RTCA: variants seen among roughly 807,000 people sequenced by gnomAD.
RTCA encodes the protein RNA 3'-terminal phosphate cyclase.
Under a neutral mutation model 46.1 loss-of-function variants are expected in RTCA, and 37 were observed. The ratio of observed to expected loss-of-function variants is 0.80; its 90% confidence interval spans 0.62 to 1.06. RTCA has a LOEUF of 1.06. Ranked by LOEUF, RTCA falls within the 50% of genes least tolerant of loss-of-function variation. RTCA has a pLI of 0.00. For missense variants in RTCA, 435 were observed against 455.5 expected, an observed-to-expected ratio of 0.95 and a Z score of 0.41; for synonymous variants, 164 against 158.3, an observed-to-expected ratio of 1.04 and a Z score of -0.27.
At chr1:100,281,662 ACCTT>A (rs1666717333) in intron 8 of RTCA, among the ~76,000 whole-genome samples, 1 of 150,900 alleles carries the variant, frequency 6.6e-6, no homozygotes, top group African/African-American at 2.4e-5. Context: ...TATAGCAAGC[ACCTT>A]CCTTCCCTCC....
Position 100,268,268 on chromosome 1 carries a change from TCCACACAGCAGATAC to T in RTCA, c.265_279del (p.His89_Thr93del), listed in dbSNP as rs1665892892. On this transcript the variant is annotated inframe_deletion, in exon 3 of 11. Transcript: ENST00000370128. ...ACACCAGAGAAGATCAAAGGTGGAATCCACACAGCAGATACCAAGACAGCAGGGTATGTATCACTT... is the reference window on the plus strand; with the variant it reads ...ACACCAGAGAAGATCAAAGGTGGAATCAAGACAGCAGGGTATGTATCACTT... 1 of 1,613,730 alleles carries T rather than the reference TCCACACAGCAGATAC, an allele frequency of 6.2e-7. No homozygotes were observed. Among genetic ancestry groups the T allele is most frequent in the African/African-American group, 1.3e-5 (1 of 74,932 alleles).
chr1:100,282,512 A>G (rs1666765925), intron 8 of RTCA, among the ~76,000 whole-genome samples: 1 of 152,244 alleles, frequency 6.6e-6, no homozygotes, highest in Non-Finnish European at 1.5e-5. Flanking sequence ...TCACAGAGTT[A>G]GCACTTAATT....
At chr1:100,277,905 AC>A (rs1666489610) in intron 8 of RTCA, among the ~76,000 whole-genome samples, 1 of 152,042 alleles carries the variant, frequency 6.6e-6, no homozygotes, top group African/African-American at 2.4e-5. Context: ...CATGATACTG[AC>A]ATTTTTAAGA....
chr1:100,272,083 T>G (rs752096940), intron 4 of RTCA, among the ~76,000 whole-genome samples: 2 of 152,256 alleles, frequency 1.3e-5, no homozygotes, highest in Non-Finnish European at 2.9e-5. Flanking sequence ...GAAGGGCATT[T>G]GGGTGTTTCC....
chr1:100,267,963 A>C, intron 2 of RTCA, 189 bp from the exon 3 acceptor site: 1 of 665,320 alleles, frequency 1.5e-6, no homozygotes, highest in Non-Finnish European at 2.5e-6. Context: ...GGAAGTGTTA[A>C]AATGATACAT....
Position 100,291,450 on chromosome 1 carries a change from A to G in RTCA, c.1047A>G (p.Lys349=). The stretch of plus-strand genomic sequence containing the variant: ...CAGAAGATGAAGAAGACGCCGCTAA[A>G]GATACTTATATTATTGAATGCCAAG... ...KKSEDEEDAA[K]DTYIIECQGI... Residue 349 remains lysine, a synonymous_variant, in exon 11 of 11, where the codon AAA becomes AAG. Transcript: ENST00000370128. 1 of 1,612,786 alleles carries G rather than the reference A, an allele frequency of 6.2e-7. No homozygotes were observed. Among genetic ancestry groups the G allele is most frequent in the Non-Finnish European group, 8.5e-7 (1 of 1,179,490 alleles).
chr1:100,278,301 G>GT (rs1666510849), intron 8 of RTCA, among the ~76,000 whole-genome samples: 3 of 152,168 alleles, frequency 2.0e-5, no homozygotes, highest in Non-Finnish European at 4.4e-5. Flanking sequence ...AATTTTGAAT[G>GT]TTTTTGTGAA....
intron 8 of RTCA, among the ~76,000 whole-genome samples, chr1:100,284,719 C>A (rs1361625980): frequency 8.5e-5 from 13 of 152,264 alleles, no homozygotes; most frequent in African/African-American, 2.9e-4. Flanking sequence ...GATGGAATTA[C>A]CTGCAGACTA....
intron 8 of RTCA, among the ~76,000 whole-genome samples, chr1:100,282,346 C>T (rs919274783): frequency 5.9e-5 from 9 of 152,154 alleles, no homozygotes; most frequent in African/African-American, 1.4e-4. Flanking sequence ...ACTACAAAGC[C>T]GGAAGTTCTT....
At chr1:100,285,516 C>T (rs368283325) in intron 9 of RTCA, among the ~76,000 whole-genome samples, 194 bp downstream of exon 9, 215 of 152,306 alleles carry the variant, frequency 1.4e-3, no homozygotes, top group African/African-American at 4.2e-3. Flanking sequence ...CAGTGTTTTG[C>T]GCAATTGACC....
intron 10 of RTCA, among the ~76,000 whole-genome samples, chr1:100,288,649 C>T (rs571418492): frequency 6.6e-6 from 1 of 151,936 alleles, no homozygotes; most frequent in Non-Finnish European, 1.5e-5. Context: ...CCTCAATCTC[C>T]CAAAGCGCTA....
Position 100,291,559 on chromosome 1 carries a change from C to A in RTCA, c.*55C>A. The A allele has an allele frequency of 9.5e-7, 1 of 1,048,628 alleles. No homozygotes were observed. Among genetic ancestry groups the A allele is most frequent in the Non-Finnish European group, 1.4e-6 (1 of 699,134 alleles). 65.0% of individuals were successfully genotyped at this position (1,048,628 alleles called of 1,614,324 possible). A position where few individuals can be genotyped will look rare whatever the true frequency, so the allele number is the denominator to read the frequency against. On this transcript the variant is annotated 3_prime_UTR_variant, in exon 11 of 11. Transcript: ENST00000370128. ...GATATATTGCACTATTTCATAAATA[C>A]TATAAAATAATGACTAGGAAGTAAC...
intron 8 of RTCA, among the ~76,000 whole-genome samples, chr1:100,284,745 C>A (rs1011565775): frequency 3.9e-5 from 6 of 152,130 alleles, no homozygotes; most frequent in African/African-American, 1.4e-4. Flanking sequence ...AACACGCATG[C>A]TTTTCTAGGA....
At chr1:100,278,556 A>T (rs1666526902) in intron 8 of RTCA, among the ~76,000 whole-genome samples, 1 of 152,134 alleles carries the variant, frequency 6.6e-6, no homozygotes, top group African/African-American at 2.4e-5. Flanking sequence ...GATTACTGAG[A>T]CCAGAAGTTC....
intron 10 of RTCA, among the ~76,000 whole-genome samples, 171 bp from the exon 11 acceptor site, chr1:100,291,232 T>G (rs1667335920): frequency 1.3e-5 from 2 of 152,104 alleles, no homozygotes. Context: ...ATGAAATGTG[T>G]TATCTTGAGG....
chr1:100,267,715 C>G (rs1319416230), intron 2 of RTCA, among the ~76,000 whole-genome samples: 1 of 149,990 alleles, frequency 6.7e-6, no homozygotes, highest in African/African-American at 2.5e-5. Flanking sequence ...ACTTAATTAT[C>G]TCTTTAAAGG....
intron 3 of RTCA, among the ~76,000 whole-genome samples, chr1:100,269,017 C>T (rs1015836322): frequency 1.3e-5 from 2 of 149,094 alleles, no homozygotes; most frequent in South Asian, 4.2e-4. Flanking sequence ...GGCAAAACCC[C>T]GTCATATATA....
At chr1:100,279,066 A>G (rs1478427278) in intron 8 of RTCA, among the ~76,000 whole-genome samples, 1 of 152,244 alleles carries the variant, frequency 6.6e-6, no homozygotes, top group Non-Finnish European at 1.5e-5. Context: ...ATATTGAGCC[A>G]CTGCATGCAC....
At position 100,266,425 on chromosome 1, in the gene RTCA, G is replaced by A. The variant is rs375253987; in HGVS notation, c.45+5G>A. Reference sequence around the variant, plus strand: ...GATGGCAGCATCATGGAAGGGGTGAGTACAGAGCGAAGCGGCCGGGGCTGC... The same window carrying A: ...GATGGCAGCATCATGGAAGGGGTGAATACAGAGCGAAGCGGCCGGGGCTGC... On this transcript the variant is annotated splice_donor_5th_base_variant and intron_variant, in intron 1 of 10. Transcript: ENST00000370128. 1.2e-6 allele frequency: 2 copies of A among 1,611,516 alleles called. No individual in the cohort carries two copies. Among genetic ancestry groups the A allele is most frequent in the African/African-American group, 2.7e-5 (2 of 74,888 alleles).
Sources: allele counts gnomAD v4.1 joint callset (sites outside exome capture counted in the v4.1 genomes callset), GRCh38; gene constraint gnomAD v4.1.1; transcripts MANE v1.5; gene names NCBI Gene and HGNC (gene_info 2026-07-23, HGNC 2026-07-21).